Variants in ADAMTSL1 observed in about 807,000 individuals in gnomAD.
ADAMTSL1 encodes ADAMTS-like protein 1.
Under a neutral mutation model 201.8 loss-of-function variants are expected in ADAMTSL1, and 126 were observed. The observed-to-expected ratio is 0.62, with a 90% confidence interval of 0.54 to 0.72. The LOEUF is 0.72. Ranked by LOEUF, ADAMTSL1 falls within the 30% of genes least tolerant of loss-of-function variation. The pLI is 0.00. For synonymous variants in ADAMTSL1, 1,121 were observed against 903.4 expected (o/e 1.24, Z -4.32); for missense variants, 2,679 against 2,277.8 (o/e 1.18, Z -3.59).
At position 18,523,455 on chromosome 9, in the gene ADAMTSL1, A is replaced by G. The variant is rs181477970; in HGVS notation, c.192-9792A>G. Among the ~76,000 whole-genome samples, 571 of 152,150 alleles carry G rather than the reference A, an allele frequency of 3.8e-3. 3 individuals are homozygous for G. The highest frequency in any genetic ancestry group is 0.013 in the African/African-American group (544 of 41,494). On this transcript the variant is annotated intron_variant, in intron 2 of 28. Transcript: ENST00000380548. ...AAGCTCTTTAGTTTAATTAGATCCC[A>G]TTTGTCAGTTCTGGCTTTTGTTGCC...
intron 1 of ADAMTSL1, among the ~76,000 whole-genome samples, chr9:18,019,930 G>A (rs1012845275): frequency 2.6e-5 from 4 of 152,158 alleles, no homozygotes; most frequent in Middle Eastern, 6.8e-3. Context: ...ACAGTTCCCT[G>A]GTTAGATGTT....
chr9:18,342,742 G>A (rs948756361), intron 2 of ADAMTSL1, among the ~76,000 whole-genome samples: 1 of 152,024 alleles, frequency 6.6e-6, no homozygotes, highest in South Asian at 2.1e-4. Flanking sequence ...TGTACTGGTT[G>A]TTTATTTCTG....
chr9:18,252,072 C>A (rs1342268928), intron 2 of ADAMTSL1, among the ~76,000 whole-genome samples: 1 of 151,478 alleles, frequency 6.6e-6, no homozygotes, highest in Admixed American at 6.6e-5. Context: ...AAAAAATGAA[C>A]CATGTAACTT....
At chr9:18,279,522 G>C (rs544692617) in intron 2 of ADAMTSL1, among the ~76,000 whole-genome samples, 1 of 151,370 alleles carries the variant, frequency 6.6e-6, no homozygotes, top group African/African-American at 2.4e-5. Flanking sequence ...GAAAAAGCAG[G>C]CACTTCTTCT....
chr9:18,156,270 C>A (rs1408906627), intron 1 of ADAMTSL1, among the ~76,000 whole-genome samples: 1 of 151,938 alleles, frequency 6.6e-6, no homozygotes, highest in Non-Finnish European at 1.5e-5. Context: ...GGCAGGAGAT[C>A]TGGATGGTTC....
chr9:18,646,036 C>A (rs890674502), intron 7 of ADAMTSL1, among the ~76,000 whole-genome samples: 1 of 152,150 alleles, frequency 6.6e-6, no homozygotes, highest in African/African-American at 2.4e-5. Flanking sequence ...GAATGTTCTT[C>A]CATTTGTTTG....
intron 2 of ADAMTSL1, among the ~76,000 whole-genome samples, chr9:18,231,453 C>G (rs1362648408): frequency 6.6e-6 from 1 of 152,182 alleles, no homozygotes. Flanking sequence ...CTTTTGGCTT[C>G]CAGGAAAACA....
intron 2 of ADAMTSL1, among the ~76,000 whole-genome samples, chr9:18,511,783 G>T (rs759770717): frequency 6.6e-6 from 1 of 152,076 alleles, no homozygotes; most frequent in Non-Finnish European, 1.5e-5. Context: ...TTTCTATACC[G>T]TATAATAATA....
Position 17,922,212 on chromosome 9 carries a change from G to T in ADAMTSL1, c.87+15290G>T, listed in dbSNP as rs189768793. ...TGCACTGGGATGATCTCTAAGTGGA[G>T]AATTATGCATTTTGGGGGCAGTGGG... On this transcript the variant is annotated intron_variant, in intron 1 of 29. Transcript: ENST00000680146. Among the ~76,000 whole-genome samples the T allele has an allele frequency of 1.2e-4, 19 of 152,042 alleles. No individual in the cohort carries two copies. In the East Asian group the frequency reaches 3.7e-3, roughly 29 times the overall value.
At chr9:18,741,708 C>G (rs1217489593) in intron 15 of ADAMTSL1, among the ~76,000 whole-genome samples, 2 of 152,210 alleles carry the variant, frequency 1.3e-5, no homozygotes, top group Admixed American at 1.3e-4. Context: ...CCTTCCTTGC[C>G]TCTTCCTATC....
chr9:18,308,502 G>A (rs1399000873), intron 2 of ADAMTSL1, among the ~76,000 whole-genome samples: 1 of 152,000 alleles, frequency 6.6e-6, no homozygotes, highest in African/African-American at 2.4e-5. Flanking sequence ...ATGATAAAGA[G>A]GATATCACCA....
intron 1 of ADAMTSL1, among the ~76,000 whole-genome samples, chr9:18,481,687 T>C (rs544746326): frequency 6.6e-6 from 1 of 152,284 alleles, no homozygotes; most frequent in East Asian, 1.9e-4. Flanking sequence ...TTCCATAGAT[T>C]ATGAATGTGT....
intron 2 of ADAMTSL1, among the ~76,000 whole-genome samples, chr9:18,454,094 G>A (rs10963610): frequency 2.0e-5 from 3 of 152,252 alleles, no homozygotes; most frequent in Non-Finnish European, 2.9e-5. Context: ...AAGTTCCATC[G>A]CAGGCCATCT....
At chr9:18,476,395 C>A (rs1587321387) in intron 1 of ADAMTSL1, among the ~76,000 whole-genome samples, 1 of 152,180 alleles carries the variant, frequency 6.6e-6, no homozygotes, top group East Asian at 1.9e-4. Context: ...TATTTAAGAA[C>A]AATGAAAACA....
chr9:18,162,926 T>C (rs368111417), intron 1 of ADAMTSL1, among the ~76,000 whole-genome samples: 2 of 152,140 alleles, frequency 1.3e-5, no homozygotes, highest in East Asian at 3.9e-4. Context: ...GCTTACTATA[T>C]GAAAGGCATC....
chr9:18,245,541 G>A (rs189740597), intron 2 of ADAMTSL1, among the ~76,000 whole-genome samples: 2 of 152,130 alleles, frequency 1.3e-5, no homozygotes, highest in Admixed American at 1.3e-4. Context: ...TTGGAATTAT[G>A]GGGTTGAGAA....
intron 26 of ADAMTSL1, among the ~76,000 whole-genome samples, chr9:18,896,149 G>T (rs1414558794): frequency 6.6e-6 from 1 of 152,152 alleles, no homozygotes; most frequent in African/African-American, 2.4e-5. Flanking sequence ...GAAAGGAGTT[G>T]AAAGATTATT....
At chr9:18,008,534 T>G (rs1819923080) in intron 1 of ADAMTSL1, among the ~76,000 whole-genome samples, 1 of 151,908 alleles carries the variant, frequency 6.6e-6, no homozygotes. Context: ...TATTAGGGGT[T>G]TAACACAACA....
chr9:18,469,376 G>C (rs1162980203), upstream of ADAMTSL1, among the ~76,000 whole-genome samples: 4 of 152,162 alleles, frequency 2.6e-5, no homozygotes, highest in Admixed American at 2.6e-4. Flanking sequence ...TCTGTTAAAG[G>C]GGGTATATCA....
Sources: allele counts gnomAD v4.1 joint callset (sites outside exome capture counted in the v4.1 genomes callset), GRCh38; gene constraint gnomAD v4.1.1; transcripts MANE v1.5; gene names NCBI Gene and HGNC (gene_info 2026-07-23, HGNC 2026-07-21).